The following DDX10 variants were observed in gnomAD, a reference collection of about 807,000 sequenced individuals.
DDX10 encodes probable ATP-dependent RNA helicase DDX10.
In DDX10, 74 loss-of-function variants were observed where a neutral mutation model predicts 104.3. That is an observed-to-expected ratio of 0.71 (90% confidence interval 0.59 to 0.86). The LOEUF is 0.86. DDX10 is among the 40% of genes least tolerant of loss of function. The probability of loss-of-function intolerance (pLI) is 0.00; values close to 1 mark genes in which losing one functional copy is unlikely to be tolerated. For synonymous variants in DDX10, 351 were observed against 353.4 expected (o/e 0.99, Z 0.08); for missense variants, 952 against 1,040.0 (o/e 0.92, Z 1.16).
At chr11:108,875,923 G>A (rs1355567029) in intron 16 of DDX10, among the ~76,000 whole-genome samples, 1 of 152,090 alleles carries the variant, frequency 6.6e-6, no homozygotes, top group African/African-American at 2.4e-5. Flanking sequence ...ATAAGACTGT[G>A]GGAACCTAAC....
chr11:108,903,371 G>A (rs1005438872), intron 16 of DDX10, among the ~76,000 whole-genome samples: 18 of 152,074 alleles, frequency 1.2e-4, no homozygotes, highest in African/African-American at 1.9e-4. Context: ...GCTCCTCCAT[G>A]TTGTAGCATA....
intron 9 of DDX10, among the ~76,000 whole-genome samples, chr11:108,704,657 A>C (rs1235227567): frequency 2.0e-5 from 3 of 152,208 alleles, no homozygotes; most frequent in Admixed American, 6.5e-5. Flanking sequence ...GTCTGCTTTA[A>C]ATTCATAATT....
rs1425799 is a variant in DDX10, at chr11:108,927,324, T to A, written c.2450+9306T>A. On this transcript the variant is annotated intron_variant, in intron 17 of 17. Transcript: ENST00000322536. ...TAACACATACAAACTTGCACACCCC[T>A]AATTGTACATGAAGAAATGCAGCTG... Among the ~76,000 whole-genome samples the A allele has an allele frequency of 4.6e-5, 7 of 152,332 alleles. No individual in the cohort carries two copies. In the South Asian group the frequency reaches 1.4e-3, roughly 32 times the overall value.
intron 17 of DDX10, among the ~76,000 whole-genome samples, chr11:108,923,849 A>G (rs1863873052): frequency 6.6e-6 from 1 of 152,212 alleles, no homozygotes; most frequent in South Asian, 2.1e-4. Context: ...CTTAGGTGTA[A>G]GTATTAACTG....
chr11:108,819,484 A>G (rs1399173120), intron 13 of DDX10, among the ~76,000 whole-genome samples: 2 of 152,230 alleles, frequency 1.3e-5, no homozygotes. Context: ...TTCCGTTGAT[A>G]TAATTATTTT....
At chr11:108,721,431 G>T (rs1309356632) in intron 12 of DDX10, among the ~76,000 whole-genome samples, 1 of 152,116 alleles carries the variant, frequency 6.6e-6, no homozygotes, top group Non-Finnish European at 1.5e-5. Flanking sequence ...TTTTATCATG[G>T]TTTTCTGATT....
In DDX10 at chr11:108,691,885, C is replaced by T; in HGVS notation, c.985C>T (p.Leu329=). ...TCTGTTGATGCCCCAGGTCCAGTAT[C>T]TGTACCGAGTGTTTTGCCGGCTACG... ...FFSSCKEVQY[L]YRVFCRLRPG... Residue 329 remains leucine, a synonymous_variant, in exon 8 of 18, where the codon CTG becomes TTG. Transcript: ENST00000322536. 6.2e-7 allele frequency: 1 copy of T among 1,613,756 alleles called. No homozygotes were observed.
chr11:108,820,655 A>G lies in DDX10; in HGVS notation c.1966-17791A>G, dbSNP rs541216988. Among the ~76,000 whole-genome samples the G allele has an allele frequency of 7.2e-5, 11 of 152,312 alleles. No homozygotes were observed. In the South Asian group the frequency reaches 2.3e-3, roughly 32 times the overall value. Reference sequence around the variant, plus strand: ...GAGACTTTGAGGTTCATGGGAAGTTAGGTCTGCCTTGCTAAGGGAGGAAGC... The same window carrying G: ...GAGACTTTGAGGTTCATGGGAAGTTGGGTCTGCCTTGCTAAGGGAGGAAGC... On this transcript the variant is annotated intron_variant, in intron 13 of 17. Transcript: ENST00000322536.
At chr11:108,750,144 T>A (rs548631082) in intron 13 of DDX10, among the ~76,000 whole-genome samples, 3 of 152,196 alleles carry the variant, frequency 2.0e-5, no homozygotes, top group African/African-American at 7.2e-5. Flanking sequence ...TAAGATTCTG[T>A]TATAAAAGAT....
chr11:108,733,601 A>G (rs1444942576), intron 13 of DDX10, among the ~76,000 whole-genome samples: 1 of 152,084 alleles, frequency 6.6e-6, no homozygotes, highest in Non-Finnish European at 1.5e-5. Context: ...CTAGCACTGG[A>G]GTCTGTACTT....
chr11:108,930,605 T>C (rs562277694), intron 17 of DDX10, among the ~76,000 whole-genome samples: 2 of 152,346 alleles, frequency 1.3e-5, no homozygotes, highest in South Asian at 4.1e-4. Context: ...CATTTTGCAT[T>C]CTTACCAGCA....
At chr11:108,716,352 C>T (rs908571519) in intron 11 of DDX10, among the ~76,000 whole-genome samples, 7 of 152,118 alleles carry the variant, frequency 4.6e-5, no homozygotes, top group Non-Finnish European at 2.9e-5. Flanking sequence ...CTGCCTTGGC[C>T]TCCAAAAGTT....
chr11:108,765,324 A>G (rs1047527687), intron 13 of DDX10, among the ~76,000 whole-genome samples: 1 of 152,216 alleles, frequency 6.6e-6, no homozygotes, highest in Non-Finnish European at 1.5e-5. Context: ...TTTAACCTAT[A>G]TAAAATTAAT....
At position 108,916,307 on chromosome 11, in the gene DDX10, TTTGA is replaced by T. The variant is rs373459404; in HGVS notation, c.2305-1563_2305-1560del. Among the ~76,000 whole-genome samples the T allele has an allele frequency of 2.4e-4, 36 of 152,318 alleles. No homozygotes were observed. In the East Asian group the frequency reaches 6.7e-3, roughly 29 times the overall value. On this transcript the variant is annotated intron_variant, in intron 16 of 17. Transcript: ENST00000322536. ...GTGACATCCAATTTTTGTTGGTGTCTTTGATTATTTTCAAGTAAACAATAAAATA... is the reference window on the plus strand; with the variant it reads ...GTGACATCCAATTTTTGTTGGTGTCTTTATTTTCAAGTAAACAATAAAATA...
intron 17 of DDX10, among the ~76,000 whole-genome samples, chr11:108,936,154 A>G (rs950570239): frequency 6.6e-6 from 1 of 152,232 alleles, no homozygotes; most frequent in African/African-American, 2.4e-5. Context: ...AGATCAGGTT[A>G]TCACAGGAAC....
At chr11:108,720,980 C>T (rs1242140614) in intron 12 of DDX10, among the ~76,000 whole-genome samples, 2 of 149,032 alleles carry the variant, frequency 1.3e-5, no homozygotes, top group African/African-American at 2.5e-5. Flanking sequence ...GTGGTAAAAA[C>T]ATTGGCACAA....
chr11:108,812,334 A>C (rs1047603223), intron 13 of DDX10, among the ~76,000 whole-genome samples: 3 of 152,178 alleles, frequency 2.0e-5, no homozygotes, highest in Non-Finnish European at 4.4e-5. Context: ...TCTTGCTACA[A>C]TTGATATATG....
At chr11:108,857,828 T>C (rs1030574223) in intron 16 of DDX10, among the ~76,000 whole-genome samples, 1 of 152,212 alleles carries the variant, frequency 6.6e-6, no homozygotes, top group African/African-American at 2.4e-5. Context: ...AATATTCAAT[T>C]TGAGAGTCTT....
At chr11:108,855,293 A>G (rs1034765820) in intron 16 of DDX10, among the ~76,000 whole-genome samples, 9 of 152,156 alleles carry the variant, frequency 5.9e-5, no homozygotes, top group African/African-American at 2.2e-4. Flanking sequence ...TATCTAGCTA[A>G]ATTTCCTTTT....
Sources: allele counts gnomAD v4.1 joint callset (sites outside exome capture counted in the v4.1 genomes callset), GRCh38; gene constraint gnomAD v4.1.1; transcripts MANE v1.5; gene names NCBI Gene and HGNC (gene_info 2026-07-23, HGNC 2026-07-21).